Variants in KIAA1328 observed in about 807,000 individuals in gnomAD.
The protein encoded by KIAA1328 is KIAA1328, also known as protein hinderin.
Under a neutral mutation model 68.1 loss-of-function variants are expected in KIAA1328, and 52 were observed. The observed-to-expected ratio is 0.76, with a 90% confidence interval of 0.61 to 0.96. The LOEUF (loss-of-function observed/expected upper bound fraction) is 0.96, where lower values mean the gene tolerates loss of function less well. Ranked by LOEUF, KIAA1328 falls within the 40% of genes least tolerant of loss-of-function variation. The pLI is 0.00. For synonymous variants in KIAA1328, 232 were observed against 239.4 expected (o/e 0.97, Z 0.28); for missense variants, 641 against 677.6 (o/e 0.95, Z 0.60).
chr18:37,131,351 G>A (rs1377086470), intron 7 of KIAA1328, among the ~76,000 whole-genome samples: 1 of 152,190 alleles, frequency 6.6e-6, no homozygotes, highest in Non-Finnish European at 1.5e-5. Context: ...TGGCTGAGTA[G>A]TGCATCTGAA....
chr18:37,081,059 C>T (rs1446796245), intron 7 of KIAA1328, among the ~76,000 whole-genome samples: 2 of 151,950 alleles, frequency 1.3e-5, no homozygotes, highest in African/African-American at 2.4e-5. Flanking sequence ...CGACTCACTG[C>T]AACCTCTGGC....
At chr18:37,049,166 A>C (rs913478260) in intron 6 of KIAA1328, among the ~76,000 whole-genome samples, 2 of 152,236 alleles carry the variant, frequency 1.3e-5, no homozygotes, top group African/African-American at 2.4e-5. Context: ...ATACTTAAAC[A>C]TCACAAGGAA....
intron 7 of KIAA1328, among the ~76,000 whole-genome samples, chr18:37,124,053 GGTTA>G (rs917660748): frequency 6.6e-6 from 1 of 152,028 alleles, no homozygotes; most frequent in African/African-American, 2.4e-5. Context: ...CAAACATGAT[GGTTA>G]GTTCTAAAAT....
At chr18:37,135,252 T>C (rs924065782) in intron 7 of KIAA1328, among the ~76,000 whole-genome samples, 1 of 152,218 alleles carries the variant, frequency 6.6e-6, no homozygotes, top group South Asian at 2.1e-4. Context: ...TAGTGCTGTT[T>C]TAAGTTCTTT....
chr18:37,214,035 G>T (rs1203111550), intron 9 of KIAA1328, among the ~76,000 whole-genome samples: 7 of 152,118 alleles, frequency 4.6e-5, no homozygotes, highest in Non-Finnish European at 1.0e-4. Flanking sequence ...GTTCTTTGTA[G>T]ATTCTGGATA....
At chr18:36,829,528 C>T (rs2046386797) in intron 1 of KIAA1328, 6 of 968,618 alleles carry the variant, frequency 6.2e-6, no homozygotes, top group Non-Finnish European at 7.7e-6. Context: ...TGTCAGAGTG[C>T]CCCCAGGCTG....
intron 7 of KIAA1328, among the ~76,000 whole-genome samples, chr18:37,156,086 C>T (rs1339058777): frequency 2.6e-5 from 4 of 151,876 alleles, no homozygotes; most frequent in Non-Finnish European, 5.9e-5. Flanking sequence ...ACGTCTGTCT[C>T]CCCCACTAAA....
At chr18:36,893,465 T>TTTTGTGTGTG (rs1556812093) in intron 5 of KIAA1328, among the ~76,000 whole-genome samples, 1 of 120,596 alleles carries the variant, frequency 8.3e-6, no homozygotes, top group Non-Finnish European at 1.7e-5. Context: ...GTGTGTGTTT[T>TTTTGTGTGTG]TGTGTGTGTG....
In KIAA1328 at chr18:37,052,179, C is replaced by T. The variant is rs139007913; in HGVS notation, c.577-14711C>T. 3.0e-4 allele frequency among the ~76,000 whole-genome samples: 45 copies of T among 152,234 alleles called. No individual in the cohort carries two copies. In the East Asian group the frequency reaches 3.5e-3, roughly 12 times the overall value. Reference sequence around the variant, plus strand: ...TCAAGTGGATTTTATTCCTGAGATGCAACAATGGTTCAACATATGCAAATG... The same window carrying T: ...TCAAGTGGATTTTATTCCTGAGATGTAACAATGGTTCAACATATGCAAATG... On this transcript the variant is annotated intron_variant, in intron 6 of 9. Transcript: ENST00000280020.
At position 36,913,543 on chromosome 18, in the gene KIAA1328, T is replaced by TACACACACACACACACAC. The variant is rs34096013; in HGVS notation, c.448+27880_448+27897dup. 4.7e-3 allele frequency among the ~76,000 whole-genome samples: 619 copies of TACACACACACACACACAC among 131,488 alleles called. 16 individuals carry two copies. Among genetic ancestry groups the TACACACACACACACACAC allele is most frequent in the South Asian group, 0.026 (96 of 3,624 alleles). The allele number at this position is 131,488 out of a possible 152,430, so 86.3% of individuals were successfully genotyped here. A position where few individuals can be genotyped will look rare whatever the true frequency, so the allele number is the denominator to read the frequency against. Reference sequence around the variant, plus strand: ...ACACACTTAGAGGAAAGCAACTGCCTACACACACACACACACACACACACA... The same window carrying TACACACACACACACACAC: ...ACACACTTAGAGGAAAGCAACTGCCTACACACACACACACACACACACACACACACACACACACACACA... On this transcript the variant is annotated intron_variant, in intron 5 of 9. Coordinates refer to ENST00000280020, the MANE Select transcript of KIAA1328 (RefSeq NM_020776.3).
intron 7 of KIAA1328, among the ~76,000 whole-genome samples, chr18:37,073,114 C>T (rs2056591717): frequency 6.6e-6 from 1 of 152,202 alleles, no homozygotes; most frequent in African/African-American, 2.4e-5. Flanking sequence ...GCAAAGACTT[C>T]ATGATGAAAA....
intron 9 of KIAA1328, among the ~76,000 whole-genome samples, chr18:37,196,212 T>C (rs2060000745): frequency 6.6e-6 from 1 of 152,156 alleles, no homozygotes; most frequent in Non-Finnish European, 1.5e-5. Context: ...TTTTTCTAAA[T>C]ATAAGAACAT....
intron 9 of KIAA1328, among the ~76,000 whole-genome samples, chr18:37,196,449 T>A (rs2060004917): frequency 6.6e-6 from 1 of 152,114 alleles, no homozygotes; most frequent in Non-Finnish European, 1.5e-5. Flanking sequence ...CCTTTATTAG[T>A]TTGAGGTATG....
intron 6 of KIAA1328, among the ~76,000 whole-genome samples, chr18:37,065,690 C>A (rs886635827): frequency 6.6e-6 from 1 of 152,200 alleles, no homozygotes; most frequent in African/African-American, 2.4e-5. Context: ...GATTAAGTTT[C>A]TTTCTTACAC....
intron 6 of KIAA1328, among the ~76,000 whole-genome samples, chr18:36,990,694 G>C (rs1175555032): frequency 1.3e-5 from 2 of 150,984 alleles, no homozygotes; most frequent in East Asian, 3.9e-4. Flanking sequence ...ATATATATTT[G>C]TGTTTTTTTC....
At chr18:36,846,868 C>G (rs1279894572) in intron 4 of KIAA1328, among the ~76,000 whole-genome samples, 1 of 151,460 alleles carries the variant, frequency 6.6e-6, no homozygotes, top group Non-Finnish European at 1.5e-5. Context: ...GCAACCATCT[C>G]TACCATCCAT....
At chr18:36,829,329 C>T (rs2046371396) in intron 1 of KIAA1328, 133 bp downstream of exon 1, 2 of 1,399,160 alleles carry the variant, frequency 1.4e-6, no homozygotes, top group African/African-American at 1.5e-5. Context: ...GCTGCTCGGC[C>T]CCAGTCTAGG....
At chr18:36,841,953 A>G (rs987043496) in intron 3 of KIAA1328, among the ~76,000 whole-genome samples, 15 of 149,826 alleles carry the variant, frequency 1.0e-4, no homozygotes, top group South Asian at 2.2e-4. Flanking sequence ...GGCTCTTCCA[A>G]TGTTACGTGA....
At chr18:37,199,782 G>A (rs1245101394) in intron 9 of KIAA1328, among the ~76,000 whole-genome samples, 2 of 152,010 alleles carry the variant, frequency 1.3e-5, no homozygotes, top group Non-Finnish European at 2.9e-5. Flanking sequence ...TTTAATAATT[G>A]CCATTCTGAC....
Sources: allele counts gnomAD v4.1 joint callset (sites outside exome capture counted in the v4.1 genomes callset), GRCh38; gene constraint gnomAD v4.1.1; transcripts MANE v1.5; gene names NCBI Gene and HGNC (gene_info 2026-07-23, HGNC 2026-07-21).